The following CDH12 variants were observed in gnomAD, a reference collection of about 807,000 sequenced individuals.
The protein encoded by CDH12 is cadherin 12.
A neutral mutation model predicts 74.1 loss-of-function variants in CDH12; 41 were observed. The observed-to-expected ratio is 0.55, with a 90% CI of 0.43 to 0.72. The LOEUF is 0.72. CDH12 is among the 30% of genes least tolerant of loss of function. CDH12 has a pLI of 0.00. For synonymous variants in CDH12, 399 were observed against 355.0 expected, an observed-to-expected ratio of 1.12 and a Z score of -1.39; for missense variants, 945 against 977.2, an observed-to-expected ratio of 0.97 and a Z score of 0.44.
At chr5:22,363,716 A>T (rs1031309803) in intron 3 of CDH12, among the ~76,000 whole-genome samples, 3 of 152,196 alleles carry the variant, frequency 2.0e-5, no homozygotes, top group Non-Finnish European at 1.5e-5. Context: ...AATCTCATAG[A>T]TCCAAGGCAC....
intron 3 of CDH12, among the ~76,000 whole-genome samples, chr5:22,379,376 G>C (rs1741665352): frequency 1.3e-5 from 2 of 152,122 alleles, no homozygotes; most frequent in Non-Finnish European, 2.9e-5. Flanking sequence ...ACAAATGATA[G>C]TGTCCAAAAT....
At chr5:21,821,378 A>G (rs1292858968) in intron 8 of CDH12, among the ~76,000 whole-genome samples, 1 of 151,990 alleles carries the variant, frequency 6.6e-6, no homozygotes, top group African/African-American at 2.4e-5. Flanking sequence ...ATAGGACCTG[A>G]ACAAATATAT....
chr5:21,789,112 T>G (rs1746352520), intron 10 of CDH12, among the ~76,000 whole-genome samples: 1 of 152,096 alleles, frequency 6.6e-6, no homozygotes, highest in Non-Finnish European at 1.5e-5. Context: ...CATACTAAAT[T>G]AGAGTAAAAT....
intron 3 of CDH12, among the ~76,000 whole-genome samples, chr5:22,288,566 CAGA>C (rs1468619008): frequency 5.3e-5 from 8 of 152,152 alleles, no homozygotes; most frequent in Non-Finnish European, 7.4e-5. Flanking sequence ...TTTTGGAAGA[CAGA>C]AGAAGAATAA....
At chr5:21,906,968 C>T (rs1015939352) in intron 6 of CDH12, among the ~76,000 whole-genome samples, 4 of 152,150 alleles carry the variant, frequency 2.6e-5, no homozygotes, top group Admixed American at 6.5e-5. Context: ...TGAGCCACTG[C>T]GCCCAGGCAA....
rs370085481 is a variant in CDH12 at position 21,862,901 on chromosome 5, G to A, written c.527-8111C>T. Among the ~76,000 whole-genome samples, 9 of 152,130 alleles carry A rather than the reference G, an allele frequency of 5.9e-5. No homozygotes were observed. The South Asian group carries it at 1.7e-3, about 28-fold the overall frequency. On this transcript the variant is annotated intron_variant, in intron 6 of 14. Transcript: ENST00000382254. ...TGAGGTCCTCACCTTCTCACAATTG[G>A]AAAGCTGAAATGAATCCTGTCTGCC...
In CDH12 at chr5:22,456,196, T is replaced by A. The variant is rs1486184169; in HGVS notation, c.-428+49074A>T. On this transcript the variant is annotated intron_variant, in intron 2 of 14. Coordinates refer to ENST00000382254, the MANE Select transcript of CDH12 (RefSeq NM_004061.5). ...AATGAAATAATTAGAAGCAAATGAG[T>A]TTTGAGTATTCATTACAATGCTTTT... Among the ~76,000 whole-genome samples, 5 of 151,008 alleles carry A rather than the reference T, an allele frequency of 3.3e-5. No individual in the cohort carries two copies. The South Asian group carries it at 8.4e-4, about 25-fold the overall frequency.
At chr5:21,847,844 A>G (rs1267830336) in intron 7 of CDH12, among the ~76,000 whole-genome samples, 1 of 152,092 alleles carries the variant, frequency 6.6e-6, no homozygotes, top group Admixed American at 6.6e-5. Context: ...TCTTTAAGCT[A>G]TTGAAAACAC....
At chr5:22,034,042 T>C (rs911557044) in intron 5 of CDH12, among the ~76,000 whole-genome samples, 2 of 152,130 alleles carry the variant, frequency 1.3e-5, no homozygotes, top group African/African-American at 4.8e-5. Context: ...GGGTTTGTTT[T>C]TGGTTTTGTT....
intron 4 of CDH12, among the ~76,000 whole-genome samples, chr5:22,177,667 T>G (rs1003917311): frequency 9.9e-5 from 15 of 152,046 alleles, no homozygotes; most frequent in Admixed American, 6.6e-4. Context: ...GGGCTGCTAT[T>G]CTAGAGCAAC....
chr5:22,329,068 A>G (rs549434951), intron 3 of CDH12, among the ~76,000 whole-genome samples: 138 of 152,322 alleles, frequency 9.1e-4, no homozygotes, highest in African/African-American at 3.3e-3. Flanking sequence ...ACACTGAGTA[A>G]TTAATATATT....
rs1310757501 is a variant in CDH12 at position 22,051,443 on chromosome 5, T to C, written c.231+27003A>G. Among the ~76,000 whole-genome samples the C allele has an allele frequency of 5.9e-5, 9 of 152,142 alleles. 1 individual carries two copies. The highest frequency in any genetic ancestry group is 5.9e-4 in the Admixed American group (9 of 15,254). ...GTAACATGATATAAAGAATATGATA[T>C]TGGGTAGATATAAATGATTCCATGT... On this transcript the variant is annotated intron_variant, in intron 5 of 14. Coordinates refer to ENST00000382254, the MANE Select transcript of CDH12 (RefSeq NM_004061.5).
intron 1 of CDH12, among the ~76,000 whole-genome samples, chr5:22,538,850 T>C (rs1737977551): frequency 6.6e-6 from 1 of 152,178 alleles, no homozygotes; most frequent in African/African-American, 2.4e-5. Flanking sequence ...CAGTCAATAT[T>C]TGTATTAACA....
chr5:22,332,010 C>T (rs72744818), intron 3 of CDH12, among the ~76,000 whole-genome samples: 10,944 of 152,106 alleles, frequency 0.072, 554 homozygotes, highest in South Asian at 0.16. Context: ...CCTACAGGAT[C>T]TATAAAATAA....
intron 2 of CDH12, among the ~76,000 whole-genome samples, chr5:22,474,035 A>G (rs1425147904): frequency 6.6e-6 from 1 of 152,190 alleles, no homozygotes; most frequent in African/African-American, 2.4e-5. Context: ...GCAAAAGCTC[A>G]TCTTCTTACA....
intron 2 of CDH12, among the ~76,000 whole-genome samples, chr5:22,451,889 C>G (rs1178928267): frequency 6.6e-6 from 1 of 151,820 alleles, no homozygotes; most frequent in Non-Finnish European, 1.5e-5. Context: ...TTGCAGGACA[C>G]AACATCAACA....
rs979688446 is a variant in CDH12 at position 22,437,748 on chromosome 5, A to G, written c.-427-32397T>C. 2.4e-4 allele frequency among the ~76,000 whole-genome samples: 37 copies of G among 151,904 alleles called. 1 individual carries two copies. Among genetic ancestry groups the G allele is most frequent in the Non-Finnish European group, 1.2e-4 (8 of 67,884 alleles). ...ATCAATCAATAAAAGGCTTTTTGTGATCACAAAATGTTTAAAGTATTCTTA... is the reference window on the plus strand; with the variant it reads ...ATCAATCAATAAAAGGCTTTTTGTGGTCACAAAATGTTTAAAGTATTCTTA... On this transcript the variant is annotated intron_variant, in intron 2 of 14. Coordinates refer to ENST00000382254, the MANE Select transcript of CDH12 (RefSeq NM_004061.5).
intron 3 of CDH12, among the ~76,000 whole-genome samples, chr5:22,342,604 T>C (rs1325603004): frequency 7.7e-6 from 1 of 130,558 alleles, no homozygotes; most frequent in Non-Finnish European, 1.6e-5. Context: ...TCTCTCTTTC[T>C]TACTTTTTTC....
chr5:22,491,970 C>T lies in CDH12; in HGVS notation c.-428+13300G>A, dbSNP rs565755467. ...GGACATAAATCACATTGGATTAGGG[C>T]TCACTATAACGACCTCATTTTCAAT... is the stretch of plus-strand genomic sequence containing the variant. On this transcript the variant is annotated intron_variant, in intron 2 of 14. Transcript: ENST00000382254. 3.9e-5 allele frequency among the ~76,000 whole-genome samples: 6 copies of T among 152,258 alleles called. No individual in the cohort carries two copies. In the South Asian group the frequency reaches 1.2e-3, roughly 32 times the overall value.
Sources: allele counts gnomAD v4.1 joint callset (sites outside exome capture counted in the v4.1 genomes callset), GRCh38; gene constraint gnomAD v4.1.1; transcripts MANE v1.5; gene names NCBI Gene and HGNC (gene_info 2026-07-23, HGNC 2026-07-21).